Variants in KIF1B observed in about 807,000 individuals in gnomAD.
The protein encoded by KIF1B is kinesin family member 1B.
KIF1B carries 76 observed loss-of-function variants against 241.9 expected under a neutral mutation model. That is an observed-to-expected ratio of 0.31 (90% CI 0.26 to 0.38). The LOEUF (loss-of-function observed/expected upper bound fraction) is 0.38. Among genes scored for constraint, KIF1B ranks in the 10% least tolerant of loss-of-function variants. The probability of loss-of-function intolerance (pLI) is 1.00; values close to 1 mark genes in which losing one functional copy is unlikely to be tolerated. For synonymous variants in KIF1B, 750 were observed against 796.7 expected, an observed-to-expected ratio of 0.94 and a Z score of 0.99; for missense variants, 1,622 against 2,271.4, an observed-to-expected ratio of 0.71 and a Z score of 5.81.
At chr1:10,282,215 T>A in intron 14 of KIF1B, 107 bp from the exon 15 acceptor site, 1 of 891,466 alleles carries the variant, frequency 1.1e-6, no homozygotes, top group African/African-American at 1.7e-5. Context: ...TCTTGGCGCT[T>A]TAATGCTGTC....
chr1:10,332,500 C>CTT (rs1557719332), intron 27 of KIF1B, among the ~76,000 whole-genome samples: 12 of 97,832 alleles, frequency 1.2e-4, no homozygotes, highest in East Asian at 6.4e-4. Context: ...AGATAATAGT[C>CTT]ATTTTTTTTT....
chr1:10,293,348 T>C (rs996954448), intron 17 of KIF1B, among the ~76,000 whole-genome samples: 1 of 151,964 alleles, frequency 6.6e-6, no homozygotes, highest in Middle Eastern at 3.4e-3. Context: ...ATATGTCTAA[T>C]AAAGGTATTT....
At chr1:10,306,046 G>A in intron 22 of KIF1B, 1 of 1,046,630 alleles carries the variant, frequency 9.6e-7, no homozygotes, top group Non-Finnish European at 1.2e-6. Context: ...TTTTTCCTTT[G>A]CGTGTGGGCA....
chr1:10,273,106 A>C, intron 10 of KIF1B, 75 bp downstream of exon 10: 1 of 1,059,718 alleles, frequency 9.4e-7, no homozygotes, highest in South Asian at 1.5e-5. Flanking sequence ...GTATGGAGGC[A>C]TAAGTAGGAA....
At chr1:10,257,155 C>A (rs1408664006) in intron 3 of KIF1B, among the ~76,000 whole-genome samples, 1 of 149,444 alleles carries the variant, frequency 6.7e-6, no homozygotes, top group Non-Finnish European at 1.5e-5. Context: ...ATCTTGAACT[C>A]CTGACCTCCT....
intron 1 of KIF1B, among the ~76,000 whole-genome samples, chr1:10,225,409 TG>T (rs1646897189): frequency 6.6e-6 from 1 of 151,960 alleles, no homozygotes; most frequent in African/African-American, 2.4e-5. Context: ...CACTTGAGCC[TG>T]GGAGGTTGAG....
chr1:10,219,287 C>T (rs61775873), intron 1 of KIF1B, among the ~76,000 whole-genome samples: 2,445 of 151,450 alleles, frequency 0.016, 62 homozygotes, highest in African/African-American at 0.055. Context: ...ATGGAGAAAC[C>T]CCATCTCTAC....
intron 1 of KIF1B, among the ~76,000 whole-genome samples, chr1:10,217,898 A>G (rs879800021): frequency 6.6e-6 from 1 of 152,046 alleles, no homozygotes; most frequent in Admixed American, 6.6e-5. Context: ...CTCCATGACA[A>G]GGAGGTTTGT....
intron 2 of KIF1B, among the ~76,000 whole-genome samples, chr1:10,254,648 G>A (rs113602226): frequency 0.053 from 8,002 of 151,924 alleles, 339 homozygotes; most frequent in Middle Eastern, 0.13. Context: ...AGGCCGAGGC[G>A]GGTGGATCAC....
At position 10,365,368 on chromosome 1, in the gene KIF1B, G is replaced by A. The variant is rs369508428; in HGVS notation, c.4513-41G>A. ...CACTTTTCTCTCCTGAGGTCTTAAC[G>A]AGCTTTGTGTTTGCTATAGCAGTAG... On this transcript the variant is annotated intron_variant, in intron 42 of 48. Transcript: ENST00000676179. This position sits in a 1 kb window ranked among gnomAD's most constrained non-coding sequence, Gnocchi z 4.0. The A allele has an allele frequency of 1.2e-5, 19 of 1,613,938 alleles. No individual in the cohort carries two copies. The highest frequency in any genetic ancestry group is 1.5e-5 in the Non-Finnish European group (18 of 1,180,024).
intron 13 of KIF1B, chr1:10,278,869 T>G (rs910301061): frequency 4.2e-6 from 2 of 471,724 alleles, no homozygotes; most frequent in Admixed American, 3.6e-5. Flanking sequence ...AAAGTTAAAC[T>G]TATATTCCTT....
chr1:10,290,017 G>A (rs1361561722), intron 15 of KIF1B, among the ~76,000 whole-genome samples: 1 of 152,112 alleles, frequency 6.6e-6, no homozygotes, highest in Non-Finnish European at 1.5e-5. Context: ...GGCTTGATAT[G>A]TAATGGGGTT....
At position 10,343,244 on chromosome 1, in the gene KIF1B, G is replaced by A. The variant is rs147318592; in HGVS notation, c.3645G>A (p.Pro1215=). 1,975 of 1,614,134 alleles carry A rather than the reference G, an allele frequency of 1.2e-3. 3 individuals are homozygous for A. Among genetic ancestry groups the A allele is most frequent in the Non-Finnish European group, 1.4e-3 (1,668 of 1,180,006 alleles). Residue 1215 remains proline (P), a synonymous_variant, in exon 34 of 49, where the codon CCG becomes CCA. Transcript: ENST00000676179. ...QGQELNSPPQ[P]CRRFFPPPMP... is the part of the protein sequence containing the mutation. ...CCTTTCTTTGCAGTCCGCCTCAGCC[G>A]TGCCGCCGATTCTTCCCTCCACCCA...
At chr1:10,256,223 A>C (rs1647772964) in intron 2 of KIF1B, 24 bp from the exon 3 acceptor site, 1 of 1,472,762 alleles carries the variant, frequency 6.8e-7, no homozygotes, top group Non-Finnish European at 9.5e-7. Flanking sequence ...GTGACTTATA[A>C]AATGAAACAT....
intron 1 of KIF1B, among the ~76,000 whole-genome samples, chr1:10,218,495 A>T (rs1426927861): frequency 1.3e-5 from 2 of 151,508 alleles, no homozygotes; most frequent in African/African-American, 4.9e-5. Context: ...ACCTTGGCTC[A>T]CTGCAACCTT....
Position 10,278,644 on chromosome 1 carries a change from G to A in KIF1B, c.1181-453G>A, listed in dbSNP as rs147937171. On this transcript the variant is annotated intron_variant, in intron 13 of 48. Coordinates refer to ENST00000676179, the MANE Select transcript of KIF1B (RefSeq NM_001365951.3). ...TGCCCCGTGCTGCCTATGAACATAT[G>A]AAGGGGAAAAGTTCAATTCCTATGA... 1,571 of 182,024 alleles carry A rather than the reference G, an allele frequency of 8.6e-3. 24 individuals are homozygous for A. Among genetic ancestry groups the A allele is most frequent in the African/African-American group, 0.035 (1,464 of 41,982 alleles). 11.3% of individuals were successfully genotyped at this position (182,024 alleles called of 1,614,324 possible).
At chr1:10,364,163 C>T (rs1002080676) in intron 41 of KIF1B, among the ~76,000 whole-genome samples, 6 of 151,064 alleles carry the variant, frequency 4.0e-5, no homozygotes, top group Admixed American at 6.6e-5. Context: ...GTATTCCCTT[C>T]CGTCTTTTTA....
chr1:10,268,625 C>CTTTTTTT (rs5772405), intron 7 of KIF1B, among the ~76,000 whole-genome samples: 1 of 130,056 alleles, frequency 7.7e-6, no homozygotes, highest in African/African-American at 2.8e-5. Context: ...TATGTGTATT[C>CTTTTTTT]TTTTTTTTTT....
rs1638946100 is a variant in KIF1B, at chr1:10,378,548, T to C, written c.*1961T>C. ...TTGCTCAGGCATTCAGGAAAGTATC[T>C]GCTCACTCCCACTTGGTGAGTCCTC... On this transcript the variant is annotated 3_prime_UTR_variant, in exon 49 of 49. Coordinates refer to ENST00000676179, the MANE Select transcript of KIF1B (RefSeq NM_001365951.3). 8 of 670,134 alleles carry C rather than the reference T, an allele frequency of 1.2e-5. No homozygotes were observed. The Admixed American group carries it at 1.8e-4, about 15-fold the overall frequency. The allele number at this position is 670,134 out of a possible 1,614,324, so 41.5% of individuals were successfully genotyped here.
Sources: gnomAD v4.1 joint callset for allele counts (sites outside exome capture counted in the v4.1 genomes callset) on GRCh38, gnomAD v4.1.1 for gene constraint, Gnocchi (gnomAD v3.1) non-coding constraint, MANE v1.5 for transcripts, NCBI Gene and HGNC (gene_info 2026-07-23, HGNC 2026-07-21) for gene names.